The following WDFY2 variants were observed in gnomAD, a reference collection of about 807,000 sequenced individuals.
WDFY2 encodes WD repeat and FYVE domain containing 2.
WDFY2 carries 36 observed loss-of-function variants against 56.4 expected under a neutral mutation model. The observed-to-expected ratio is 0.64, with a 90% confidence interval of 0.49 to 0.84. The LOEUF (loss-of-function observed/expected upper bound fraction) is 0.84. Among genes scored for constraint, WDFY2 ranks in the 40% least tolerant of loss-of-function variants. The pLI, the probability that WDFY2 is intolerant of heterozygous loss-of-function variation, is 0.00. For missense variants in WDFY2, 444 were observed against 512.2 expected, an observed-to-expected ratio of 0.87 and a Z score of 1.29; for synonymous variants, 176 against 183.7, an observed-to-expected ratio of 0.96 and a Z score of 0.34.
chr13:51,586,247 T>G (rs1394414464), intron 1 of WDFY2: 1 of 391,926 alleles, frequency 2.6e-6, no homozygotes, highest in African/African-American at 2.1e-5. Context: ...ATGGGATATA[T>G]TCCATAAAAT....
rs1380623080 is a variant in WDFY2 at position 51,687,427 on chromosome 13, A to G, written c.279+12184A>G. Among the ~76,000 whole-genome samples the G allele has an allele frequency of 1.3e-5, 2 of 152,044 alleles. 1 individual carries two copies. The highest frequency in any genetic ancestry group is 4.8e-5 in the African/African-American group (2 of 41,432). On this transcript the variant is annotated intron_variant, in intron 3 of 11. Transcript: ENST00000298125. ...GGGATTGGGAATGTGAGTGTGAGGT[A>G]GAGGGAATGGATGCCAGTAGGTTAG... is the stretch of plus-strand genomic sequence containing the variant.
Position 51,765,889 on chromosome 13 carries a change from T to TCTGA in WDFY2, c.*6123_*6126dup, listed in dbSNP as rs1471257097. 3 of 152,194 alleles carry TCTGA rather than the reference T, an allele frequency of 2.0e-5. No homozygotes were observed. Among genetic ancestry groups the TCTGA allele is most frequent in the African/African-American group, 4.8e-5 (2 of 41,440 alleles). 9.4% of individuals were successfully genotyped at this position (152,194 alleles called of 1,614,324 possible). On this transcript the variant is annotated 3_prime_UTR_variant, in exon 12 of 12. Transcript: ENST00000298125. Reference sequence around the variant, plus strand: ...TTACCTTTACAAGTCAAGAAGAGTATCTGACTTTCTTGGAAGTGTCAAGAA... The same window carrying TCTGA: ...TTACCTTTACAAGTCAAGAAGAGTATCTGACTGACTTTCTTGGAAGTGTCAAGAA...
chr13:51,673,863 T>G (rs1955843372), intron 2 of WDFY2, among the ~76,000 whole-genome samples: 1 of 152,136 alleles, frequency 6.6e-6, no homozygotes, highest in African/African-American at 2.4e-5. Flanking sequence ...CAGGTGGAAG[T>G]TTTTGGGGGA....
chr13:51,727,603 C>T (rs1000892321), intron 5 of WDFY2, 75 bp from the exon 6 acceptor site: 1 of 1,401,048 alleles, frequency 7.1e-7, no homozygotes, highest in Non-Finnish European at 1.0e-6. Context: ...TTTCTTGTTA[C>T]ATTTATGCCC....
chr13:51,590,939 C>T (rs1304174344), intron 1 of WDFY2: 2 of 152,128 alleles, frequency 1.3e-5, no homozygotes, highest in African/African-American at 2.4e-5. Context: ...AAGAAAAGGT[C>T]ATCTCCTTGT....
At position 51,755,481 on chromosome 13, in the gene WDFY2, T is replaced by A. The variant is rs747541070; in HGVS notation, c.933+22T>A. The stretch of plus-strand genomic sequence containing the variant: ...ACAGGTGAGTGATATGGATGCTTCA[T>A]CAAAATGTAATTATATGGAAATAGC... On this transcript the variant is annotated intron_variant, in intron 9 of 11. Transcript: ENST00000298125. The A allele has an allele frequency of 5.0e-6, 8 of 1,603,306 alleles. No homozygotes were observed. In the East Asian group the frequency reaches 1.6e-4, roughly 31 times the overall value.
chr13:51,675,317 T>G, intron 3 of WDFY2, 74 bp downstream of exon 3: 1 of 1,375,770 alleles, frequency 7.3e-7, no homozygotes, highest in South Asian at 1.3e-5. Flanking sequence ...ATTTATTAGT[T>G]TTTTCAAGTT....
At chr13:51,621,391 G>A (rs1954722792) in intron 1 of WDFY2, among the ~76,000 whole-genome samples, 1 of 152,136 alleles carries the variant, frequency 6.6e-6, no homozygotes, top group African/African-American at 2.4e-5. Flanking sequence ...TGTAATTCCA[G>A]CTACTTGGGA....
At chr13:51,746,205 C>T (rs1171897186) in intron 7 of WDFY2, among the ~76,000 whole-genome samples, 1 of 152,140 alleles carries the variant, frequency 6.6e-6, no homozygotes, top group Non-Finnish European at 1.5e-5. Context: ...TGGTCTTGAA[C>T]TCCCAAAGTG....
intron 7 of WDFY2, among the ~76,000 whole-genome samples, chr13:51,743,298 A>G (rs1322155445): frequency 6.6e-6 from 1 of 152,246 alleles, no homozygotes; most frequent in African/African-American, 2.4e-5. Context: ...CAGGCCTCTG[A>G]GTCAGGTCAA....
At chr13:51,597,741 G>T (rs1488042678) in intron 1 of WDFY2, among the ~76,000 whole-genome samples, 1 of 152,146 alleles carries the variant, frequency 6.6e-6, no homozygotes, top group Non-Finnish European at 1.5e-5. Flanking sequence ...TAGTACAAAA[G>T]AAGTAAGGTT....
At chr13:51,675,109 A>T (rs1955864175) in intron 2 of WDFY2, 61 bp from the exon 3 acceptor site, 1 of 1,509,636 alleles carries the variant, frequency 6.6e-7, no homozygotes. Flanking sequence ...CTAGTTAGGC[A>T]CTCCTGAGTC....
intron 1 of WDFY2, among the ~76,000 whole-genome samples, chr13:51,657,665 T>G (rs1046040531): frequency 1.3e-5 from 2 of 152,182 alleles, no homozygotes; most frequent in African/African-American, 4.8e-5. Flanking sequence ...TTTCTTCTTC[T>G]CAGACTGGGA....
At chr13:51,668,659 T>C (rs1955755715) in intron 2 of WDFY2, among the ~76,000 whole-genome samples, 1 of 152,240 alleles carries the variant, frequency 6.6e-6, no homozygotes, top group Admixed American at 6.5e-5. Context: ...GACCCTCTTA[T>C]TGTGAAATCT....
chr13:51,643,699 C>T (rs1361989706), intron 1 of WDFY2, among the ~76,000 whole-genome samples: 1 of 152,166 alleles, frequency 6.6e-6, no homozygotes, highest in African/African-American at 2.4e-5. Context: ...CCATGATCTT[C>T]TGGTGCATTG....
intron 5 of WDFY2, among the ~76,000 whole-genome samples, chr13:51,726,407 G>T (rs1347116341): frequency 2.0e-5 from 3 of 152,158 alleles, no homozygotes; most frequent in Non-Finnish European, 4.4e-5. Context: ...GGAGTGACTA[G>T]CCTTGGGCAT....
At chr13:51,621,008 G>A (rs912365218) in intron 1 of WDFY2, among the ~76,000 whole-genome samples, 1 of 152,080 alleles carries the variant, frequency 6.6e-6, no homozygotes, top group African/African-American at 2.4e-5. Flanking sequence ...CTGCCATCAA[G>A]TCCTGTTGTT....
chr13:51,738,582 T>G (rs1952894533), intron 6 of WDFY2, among the ~76,000 whole-genome samples: 1 of 152,240 alleles, frequency 6.6e-6, no homozygotes, highest in South Asian at 2.1e-4. Flanking sequence ...AGAGCAAACA[T>G]AATTTTAAAT....
At chr13:51,683,416 G>T (rs1956010277) in intron 3 of WDFY2, among the ~76,000 whole-genome samples, 1 of 152,156 alleles carries the variant, frequency 6.6e-6, no homozygotes, top group Non-Finnish European at 1.5e-5. Flanking sequence ...TTTACTTTGA[G>T]TTCATCTTTT....
Sources: allele counts gnomAD v4.1 joint callset (sites outside exome capture counted in the v4.1 genomes callset), GRCh38; gene constraint gnomAD v4.1.1; transcripts MANE v1.5; gene names NCBI Gene and HGNC (gene_info 2026-07-23, HGNC 2026-07-21).